Variants in STK3 observed in about 807,000 individuals in gnomAD.
STK3 encodes serine/threonine kinase 3.
A neutral mutation model predicts 58.0 loss-of-function variants in STK3; 41 were observed. The observed-to-expected ratio is 0.71, with a 90% CI of 0.55 to 0.92. The LOEUF is 0.92. Ranked by LOEUF, STK3 falls within the 40% of genes least tolerant of loss-of-function variation. The probability of loss-of-function intolerance (pLI) is 0.00; values close to 1 mark genes in which losing one functional copy is unlikely to be tolerated. For synonymous variants in STK3, 170 were observed against 191.0 expected, an observed-to-expected ratio of 0.89 and a Z score of 0.91; for missense variants, 479 against 602.7, an observed-to-expected ratio of 0.79 and a Z score of 2.15.
At chr8:98,822,800 A>T (rs1385924053) in intron 1 of STK3, among the ~76,000 whole-genome samples, 2 of 152,202 alleles carry the variant, frequency 1.3e-5, no homozygotes, top group African/African-American at 4.8e-5. Flanking sequence ...TGGCCGAGGC[A>T]GGTGGATCAT....
intron 3 of STK3, among the ~76,000 whole-genome samples, chr8:98,417,563 C>T (rs11778073): frequency 0.21 from 32,609 of 151,986 alleles, 4,185 homozygotes; most frequent in African/African-American, 0.36. Flanking sequence ...TCTGGAGCCA[C>T]CCTGTTTTGC....
chr8:98,476,616 C>T (rs1005133391), intron 10 of STK3, among the ~76,000 whole-genome samples: 1 of 152,116 alleles, frequency 6.6e-6, no homozygotes, highest in African/African-American at 2.4e-5. Flanking sequence ...AAGGCAAATG[C>T]ATGAACAGAT....
chr8:98,861,362 TTTTTTTTTTTA>T, intron 3 of STK3, among the ~76,000 whole-genome samples: 1 of 144,430 alleles, frequency 6.9e-6, no homozygotes, highest in African/African-American at 2.6e-5. Flanking sequence ...TTTTTTTTTT[TTTTTTTTTTTA>T]CAGAGTCTCT....
rs528373413 is a variant in STK3 at position 98,791,105 on chromosome 8, A to G, written c.27-16286T>C. Among the ~76,000 whole-genome samples, 3 of 152,344 alleles carry G rather than the reference A, an allele frequency of 2.0e-5. No homozygotes were observed. The South Asian group carries it at 6.2e-4, about 32-fold the overall frequency. ...CCCACAGAAAGCTCCTAGAACTGATAAAAGAATTCAGCAAAGTTTCCAGAT... is the reference window on the plus strand; with the variant it reads ...CCCACAGAAAGCTCCTAGAACTGATGAAAGAATTCAGCAAAGTTTCCAGAT... On this transcript the variant is annotated intron_variant, in intron 1 of 10. Coordinates refer to ENST00000419617, the MANE Select transcript of STK3 (RefSeq NM_006281.4).
chr8:98,741,459 C>T (rs1829201092), intron 4 of STK3, among the ~76,000 whole-genome samples: 2 of 152,190 alleles, frequency 1.3e-5, no homozygotes, highest in Admixed American at 1.3e-4. Context: ...AACCACTCAA[C>T]TACATGGAAA....
At chr8:98,920,377 C>T (rs1474038607) in intron 1 of STK3, among the ~76,000 whole-genome samples, 1 of 152,168 alleles carries the variant, frequency 6.6e-6, no homozygotes, top group Non-Finnish European at 1.5e-5. Context: ...AGTAATGAGA[C>T]ATAAACAGTC....
chr8:98,829,448 G>T (rs1369533300), upstream of STK3, among the ~76,000 whole-genome samples: 1 of 152,184 alleles, frequency 6.6e-6, no homozygotes, highest in Non-Finnish European at 1.5e-5. Flanking sequence ...AATACTATCA[G>T]AAAATAAATT....
chr8:98,583,079 T>A (rs1814066088), intron 7 of STK3, among the ~76,000 whole-genome samples: 1 of 152,134 alleles, frequency 6.6e-6, no homozygotes, highest in African/African-American at 2.4e-5. Flanking sequence ...TCATACTATC[T>A]TTTTATATTT....
intron 6 of STK3, among the ~76,000 whole-genome samples, chr8:98,682,496 CATTT>C (rs979519386): frequency 3.9e-5 from 6 of 152,134 alleles, no homozygotes; most frequent in Non-Finnish European, 7.4e-5. Flanking sequence ...CACCGCTAAT[CATTT>C]ATTTCTTACC....
chr8:98,907,136 C>T (rs577583226), intron 1 of STK3, among the ~76,000 whole-genome samples: 23 of 151,914 alleles, frequency 1.5e-4, no homozygotes, highest in Non-Finnish European at 2.4e-4. Flanking sequence ...CCAGCCTGGG[C>T]GACAGAGCAA....
intron 6 of STK3, among the ~76,000 whole-genome samples, chr8:98,601,141 G>C (rs1168698978): frequency 6.6e-6 from 1 of 152,028 alleles, no homozygotes; most frequent in Non-Finnish European, 1.5e-5. Flanking sequence ...AGGAGCTCAA[G>C]ACAAGCCTAG....
chr8:98,426,036 C>A (rs2131062910), intron 3 of STK3, among the ~76,000 whole-genome samples: 1 of 152,264 alleles, frequency 6.6e-6, no homozygotes, highest in South Asian at 2.1e-4. Flanking sequence ...TAAGGACAAT[C>A]CCAGCAGACC....
chr8:98,848,100 G>A (rs949836342), intron 3 of STK3, among the ~76,000 whole-genome samples: 1 of 152,146 alleles, frequency 6.6e-6, no homozygotes. Context: ...AAAGTGTAAA[G>A]TTCAATGACT....
chr8:98,588,583 T>G (rs1229148704), intron 7 of STK3, among the ~76,000 whole-genome samples: 1 of 152,138 alleles, frequency 6.6e-6, no homozygotes, highest in African/African-American at 2.4e-5. Context: ...TGTCTTGGAG[T>G]TGCTTTCTCG....
At chr8:98,376,783 G>T (rs1817680177) in intron 2 of STK3, among the ~76,000 whole-genome samples, 1 of 152,178 alleles carries the variant, frequency 6.6e-6, no homozygotes, top group Admixed American at 6.5e-5. Flanking sequence ...CCAATTGCTT[G>T]CAATTAACTT....
intron 6 of STK3, among the ~76,000 whole-genome samples, chr8:98,600,117 T>C (rs1044218040): frequency 6.6e-6 from 1 of 152,198 alleles, no homozygotes; most frequent in African/African-American, 2.4e-5. Flanking sequence ...AGTTAAAGTA[T>C]TGGGAACATG....
chr8:98,375,592 T>A (rs1817666699), intron 2 of STK3, among the ~76,000 whole-genome samples: 1 of 152,224 alleles, frequency 6.6e-6, no homozygotes, highest in Non-Finnish European at 1.5e-5. Flanking sequence ...TGGAAACCAC[T>A]GATCTATTCT....
chr8:98,673,066 T>C (rs1356178538), intron 6 of STK3, among the ~76,000 whole-genome samples: 1 of 152,226 alleles, frequency 6.6e-6, no homozygotes, highest in Non-Finnish European at 1.5e-5. Context: ...CTATATTTAA[T>C]ATTTGGTATT....
chr8:98,744,342 CAAT>C (rs1829478563), intron 4 of STK3, among the ~76,000 whole-genome samples: 1 of 151,924 alleles, frequency 6.6e-6, no homozygotes, highest in Admixed American at 6.6e-5. Context: ...AAATGTCCAA[CAAT>C]GATAGACTGG....
Sources: gnomAD v4.1 joint callset for allele counts (sites outside exome capture counted in the v4.1 genomes callset) on GRCh38, gnomAD v4.1.1 for gene constraint, MANE v1.5 for transcripts, NCBI Gene and HGNC (gene_info 2026-07-23, HGNC 2026-07-21) for gene names.